TXNDC12: variants seen among roughly 807,000 people sequenced by gnomAD.
TXNDC12 encodes the protein thioredoxin domain containing 12, also known as thioredoxin domain-containing protein 12.
In TXNDC12, 22 loss-of-function variants were observed where a neutral mutation model predicts 24.2. That is an observed-to-expected ratio of 0.91 (90% CI 0.65 to 1.30). The LOEUF (loss-of-function observed/expected upper bound fraction) is 1.30. Ranked by LOEUF, TXNDC12 falls within the 50% of genes most tolerant of loss-of-function variation. The probability of loss-of-function intolerance (pLI) is 0.00; values close to 1 mark genes in which losing one functional copy is unlikely to be tolerated. For missense variants in TXNDC12, 184 were observed against 205.8 expected, an observed-to-expected ratio of 0.89 and a Z score of 0.65; for synonymous variants, 58 against 73.4, an observed-to-expected ratio of 0.79 and a Z score of 1.07.
At chr1:52,034,895 C>T (rs544739230) in intron 2 of TXNDC12, among the ~76,000 whole-genome samples, 2 of 152,230 alleles carry the variant, frequency 1.3e-5, no homozygotes, top group East Asian at 3.9e-4. Context: ...TCCCAAGTAG[C>T]TGGGACTATG....
chr1:52,031,564 C>A (rs1685757738), intron 2 of TXNDC12, among the ~76,000 whole-genome samples: 1 of 151,998 alleles, frequency 6.6e-6, no homozygotes, highest in Non-Finnish European at 1.5e-5. Flanking sequence ...GCGATCTCAG[C>A]TCACTGCAAC....
chr1:52,025,165 C>T (rs1336563492), intron 4 of TXNDC12, among the ~76,000 whole-genome samples: 1 of 151,910 alleles, frequency 6.6e-6, no homozygotes, highest in East Asian at 1.9e-4. Context: ...GCATTTTAGT[C>T]AAAGTTGTGG....
chr1:52,038,983 T>C (rs1685937045), intron 2 of TXNDC12, among the ~76,000 whole-genome samples: 1 of 146,138 alleles, frequency 6.8e-6, no homozygotes, highest in Admixed American at 7.0e-5. Flanking sequence ...GACAGGGTCT[T>C]ACTTTGTTGC....
intron 2 of TXNDC12, among the ~76,000 whole-genome samples, chr1:52,040,753 G>A (rs1032134910): frequency 2.0e-5 from 3 of 152,068 alleles, no homozygotes; most frequent in Non-Finnish European, 4.4e-5. Flanking sequence ...TTGTTTGGCC[G>A]GGCGTGGTGG....
chr1:52,054,913 G>A, intron 1 of TXNDC12, 87 bp downstream of exon 1: 1 of 1,010,604 alleles, frequency 9.9e-7, no homozygotes, highest in Non-Finnish European at 1.5e-6. Flanking sequence ...GTTAGAATGG[G>A]AGGGGAACGG....
At chr1:52,041,699 T>G (rs1572008166) in intron 1 of TXNDC12, 102 bp from the exon 2 acceptor site, 1 of 721,154 alleles carries the variant, frequency 1.4e-6, no homozygotes, top group East Asian at 2.8e-5. Context: ...GAAGGTTTTC[T>G]TCTGTCAAGA....
rs115132419 is a variant in TXNDC12 at position 52,022,595 on chromosome 1, T to G, written c.439+896A>C. 9.1e-3 allele frequency among the ~76,000 whole-genome samples: 1,391 copies of G among 152,114 alleles called. 28 individuals are homozygous for G. The highest frequency in any genetic ancestry group is 0.032 in the African/African-American group (1,326 of 41,474). ...CTCATATCTGTCCAGAGATGAAATT[T>G]TTATCCTTCTAGGTCCGTTTACGTT... On this transcript the variant is annotated intron_variant, in intron 6 of 6. Transcript: ENST00000371626.
chr1:52,041,469 A>G, intron 2 of TXNDC12, 68 bp downstream of exon 2: 1 of 1,142,224 alleles, frequency 8.8e-7, no homozygotes, highest in Admixed American at 1.9e-5. Flanking sequence ...CTTCACCTGA[A>G]ATTAACGTTA....
intron 2 of TXNDC12, among the ~76,000 whole-genome samples, chr1:52,039,434 T>A (rs1291144156): frequency 6.6e-6 from 1 of 152,034 alleles, no homozygotes; most frequent in Admixed American, 6.5e-5. Context: ...TTCAAGCGAT[T>A]CTCCTGCCTC....
At chr1:52,039,088 CA>C (rs56219938) in intron 2 of TXNDC12, among the ~76,000 whole-genome samples, 5 of 81,702 alleles carry the variant, frequency 6.1e-5, no homozygotes, top group Admixed American at 1.7e-4. Flanking sequence ...GACACCGTCT[CA>C]AAAAAAAAAA....
At chr1:52,027,073 C>A (rs770238915) in intron 4 of TXNDC12, among the ~76,000 whole-genome samples, 13 of 151,962 alleles carry the variant, frequency 8.6e-5, no homozygotes, top group Non-Finnish European at 1.9e-4. Flanking sequence ...TCAATCTCTC[C>A]TCTCCTAGTT....
intron 2 of TXNDC12, among the ~76,000 whole-genome samples, chr1:52,036,918 T>A (rs1685892987): frequency 6.6e-6 from 1 of 152,242 alleles, no homozygotes; most frequent in Non-Finnish European, 1.5e-5. Context: ...ATTTTGATTA[T>A]CTGTCATAAA....
chr1:52,043,021 C>T (rs1357611706), intron 1 of TXNDC12, among the ~76,000 whole-genome samples: 1 of 152,222 alleles, frequency 6.6e-6, no homozygotes, highest in Non-Finnish European at 1.5e-5. Context: ...CCTCAGCCTT[C>T]CAAAGTGCTG....
intron 1 of TXNDC12, among the ~76,000 whole-genome samples, chr1:52,046,860 AAAAAAAATAT>A (rs1019044433): frequency 8.5e-5 from 5 of 58,954 alleles, no homozygotes; most frequent in Admixed American, 2.1e-4. Context: ...TACTAAAAAA[AAAAAAAATAT>A]ATATATATAT....
Position 52,046,866 on chromosome 1 carries a change from A to AATATATATAT in TXNDC12, c.98-5279_98-5270dup, listed in dbSNP as rs869028968. Among the ~76,000 whole-genome samples the AATATATATAT allele has an allele frequency of 5.2e-3, 157 of 30,140 alleles. 1 individual carries two copies. The highest frequency in any genetic ancestry group is 0.021 in the East Asian group (24 of 1,140). The allele number at this position is 30,140 out of a possible 152,430, so 19.8% of individuals were successfully genotyped here. On this transcript the variant is annotated intron_variant, in intron 1 of 6. Coordinates refer to ENST00000371626, the MANE Select transcript of TXNDC12 (RefSeq NM_015913.4). ...CCCCATCTCTACTAAAAAAAAAAAAAATATATATATATATATATATATATA... is the reference window on the plus strand; with the variant it reads ...CCCCATCTCTACTAAAAAAAAAAAAAATATATATATATATATATATATATATATATATATA...
chr1:52,020,627 G>T lies in TXNDC12; in HGVS notation c.*306C>A. ...GGAAAAGACTCAAATACTTAAGTGC[G>T]AGGAGTAAACATCCAAGTGGCTCAA... On this transcript the variant is annotated 3_prime_UTR_variant, in exon 7 of 7. Coordinates refer to ENST00000371626, the MANE Select transcript of TXNDC12 (RefSeq NM_015913.4). 1 of 360,042 alleles carries T rather than the reference G, an allele frequency of 2.8e-6. No homozygotes were observed. Among genetic ancestry groups the T allele is most frequent in the Admixed American group, 4.4e-5 (1 of 22,640 alleles). 22.3% of individuals were successfully genotyped at this position (360,042 alleles called of 1,614,324 possible). A position where few individuals can be genotyped will look rare whatever the true frequency, so the allele number is the denominator to read the frequency against.
intron 2 of TXNDC12, chr1:52,032,372 C>G (rs573352829): frequency 7.2e-5 from 79 of 1,100,658 alleles, no homozygotes; most frequent in African/African-American, 6.2e-4. Flanking sequence ...TGCTCTCCCA[C>G]GCCTCAGATG....
intron 2 of TXNDC12, chr1:52,033,350 C>T: frequency 6.2e-7 from 1 of 1,613,804 alleles, no homozygotes; most frequent in Non-Finnish European, 8.5e-7. Flanking sequence ...TCCTCCTCAG[C>T]GCGTGGCCGC....
chr1:52,032,545 CAG>C, intron 2 of TXNDC12: 1 of 1,397,442 alleles, frequency 7.2e-7, no homozygotes, highest in African/African-American at 1.4e-5. Context: ...AGGCCTGGCA[CAG>C]GGGTATGCAG....
Sources: allele counts gnomAD v4.1 joint callset (sites outside exome capture counted in the v4.1 genomes callset), GRCh38; gene constraint gnomAD v4.1.1; transcripts MANE v1.5; gene names NCBI Gene and HGNC (gene_info 2026-07-23, HGNC 2026-07-21).